ZNF423: variants seen among roughly 807,000 people sequenced by gnomAD.
ZNF423 encodes zinc finger protein 423.
A neutral mutation model predicts 95.8 loss-of-function variants in ZNF423; 12 were observed. The observed-to-expected ratio is 0.13, with a 90% CI of 0.08 to 0.20. The LOEUF (loss-of-function observed/expected upper bound fraction) is 0.20. Ranked by LOEUF, ZNF423 falls within the 10% of genes least tolerant of loss-of-function variation. The pLI is 1.00. For missense variants in ZNF423, 1,316 were observed against 1,737.1 expected, an observed-to-expected ratio of 0.76 and a Z score of 4.31; for synonymous variants, 749 against 711.9, an observed-to-expected ratio of 1.05 and a Z score of -0.83.
intron 7 of ZNF423, among the ~76,000 whole-genome samples, chr16:49,504,562 A>G (rs1967555886): frequency 1.3e-5 from 2 of 152,212 alleles, no homozygotes; most frequent in Admixed American, 1.3e-4. Flanking sequence ...AGCCTGGGTG[A>G]CAAAATGAGA....
chr16:49,654,415 C>T (rs1468847232), intron 3 of ZNF423, among the ~76,000 whole-genome samples: 1 of 152,232 alleles, frequency 6.6e-6, no homozygotes, highest in Non-Finnish European at 1.5e-5. Context: ...TCCAATACGT[C>T]CTGGGGGGCG....
At chr16:49,831,289 G>A (rs1489106417) in intron 1 of ZNF423, among the ~76,000 whole-genome samples, 1 of 152,032 alleles carries the variant, frequency 6.6e-6, no homozygotes, top group East Asian at 1.9e-4. Flanking sequence ...TTTTATCTTT[G>A]TAAATCTCTC....
intron 2 of ZNF423, among the ~76,000 whole-genome samples, chr16:49,787,299 A>G (rs973010708): frequency 3.9e-5 from 6 of 152,048 alleles, no homozygotes; most frequent in Admixed American, 2.6e-4. Context: ...AAAAAGAAAA[A>G]AAAAGAAAAA....
At chr16:49,851,518 T>C (rs1204233346) in intron 1 of ZNF423, among the ~76,000 whole-genome samples, 3 of 152,242 alleles carry the variant, frequency 2.0e-5, no homozygotes, top group Non-Finnish European at 4.4e-5. Context: ...CAGCCTTTCG[T>C]CTCCAGCTAG....
At chr16:49,595,793 T>C (rs922008250) in intron 5 of ZNF423, among the ~76,000 whole-genome samples, 4 of 152,240 alleles carry the variant, frequency 2.6e-5, no homozygotes, top group Non-Finnish European at 5.9e-5. Context: ...AGAGAATGTA[T>C]AAATATTTTA....
chr16:49,844,590 C>G (rs1479605866), intron 1 of ZNF423, among the ~76,000 whole-genome samples: 2 of 152,230 alleles, frequency 1.3e-5, no homozygotes, highest in African/African-American at 4.8e-5. Context: ...TCTCAGTTCA[C>G]CCACTCACTT....
At chr16:49,646,574 C>CTTTTTTTTTTTTTTTTTTTTT (rs71380366) in intron 3 of ZNF423, among the ~76,000 whole-genome samples, 37 of 117,978 alleles carry the variant, frequency 3.1e-4, no homozygotes, top group East Asian at 9.7e-4. Flanking sequence ...TTTTCTTTTT[C>CTTTTTTTTTTTTTTTTTTTTT]TTTTTTTTTT....
Position 49,717,312 on chromosome 16 carries a change from C to G in ZNF423, c.301+13459G>C, listed in dbSNP as rs191270360. Among the ~76,000 whole-genome samples, 773 of 152,308 alleles carry G rather than the reference C, an allele frequency of 5.1e-3. 11 individuals are homozygous for G. The highest frequency in any genetic ancestry group is 0.018 in the African/African-American group (742 of 41,568). ...CCTTCACCATCATAGGAACAGGCCC[C>G]CATGGAACTGGTAGGGCTGGCTGGA... On this transcript the variant is annotated intron_variant, in intron 3 of 7. Coordinates refer to ENST00000563137, the MANE Select transcript of ZNF423 (RefSeq NM_001379286.1).
chr16:49,651,533 G>A (rs1973403966), intron 3 of ZNF423, among the ~76,000 whole-genome samples: 1 of 152,118 alleles, frequency 6.6e-6, no homozygotes, highest in Non-Finnish European at 1.5e-5. Context: ...GCCGGCAGCA[G>A]GGCTTAGACT....
intron 7 of ZNF423, among the ~76,000 whole-genome samples, chr16:49,515,745 C>T (rs958738665): frequency 6.6e-6 from 1 of 152,198 alleles, no homozygotes; most frequent in Non-Finnish European, 1.5e-5. Flanking sequence ...GCATATGACC[C>T]TCATGCACGC....
At position 49,626,272 on chromosome 16, in the gene ZNF423, A is replaced by G. The variant is rs377719857; in HGVS notation, c.3517-18T>C. ...GTCTTTTTCTGTTTGGAAACCAAAA[A>G]TAAAAGATTTAGAGAGGCAGGAGGT... On this transcript the variant is annotated intron_variant, in intron 4 of 7. Transcript: ENST00000563137. 9.2e-4 allele frequency: 1,479 copies of G among 1,613,012 alleles called. 21 individuals are homozygous for G. In the South Asian group the frequency reaches 0.015, roughly 16 times the overall value.
chr16:49,738,380 C>T (rs1317985270), intron 2 of ZNF423, among the ~76,000 whole-genome samples: 1 of 152,188 alleles, frequency 6.6e-6, no homozygotes, highest in Non-Finnish European at 1.5e-5. Context: ...CCGGTCTTAG[C>T]TCCAGTACAC....
intron 3 of ZNF423, among the ~76,000 whole-genome samples, chr16:49,681,216 A>C (rs568269660): frequency 6.6e-6 from 1 of 152,348 alleles, no homozygotes; most frequent in East Asian, 1.9e-4. Flanking sequence ...GGATTTGGGG[A>C]AAACCAACTG....
intron 2 of ZNF423, among the ~76,000 whole-genome samples, chr16:49,783,967 T>C (rs533420033): frequency 1.0e-4 from 10 of 97,324 alleles, no homozygotes; most frequent in Non-Finnish European, 1.8e-4. Flanking sequence ...AGACTCCAAC[T>C]CAAAAAAAAA....
At chr16:49,616,584 A>G (rs1334391917) in intron 5 of ZNF423, among the ~76,000 whole-genome samples, 1 of 152,170 alleles carries the variant, frequency 6.6e-6, no homozygotes, top group Non-Finnish European at 1.5e-5. Context: ...GAAAGATCTC[A>G]TGTACTCCAT....
intron 5 of ZNF423, among the ~76,000 whole-genome samples, chr16:49,545,993 T>C (rs1969425350): frequency 6.6e-6 from 1 of 152,194 alleles, no homozygotes; most frequent in Admixed American, 6.5e-5. Flanking sequence ...TTATTCATAA[T>C]CGCCATTGGT....
intron 4 of ZNF423, among the ~76,000 whole-genome samples, chr16:49,627,437 C>T (rs1442293315): frequency 1.3e-5 from 2 of 150,552 alleles, no homozygotes; most frequent in African/African-American, 4.9e-5. Flanking sequence ...ATCTACCCAT[C>T]CATCCATCTA....
At chr16:49,789,268 GC>G in intron 2 of ZNF423, among the ~76,000 whole-genome samples, 1 of 152,336 alleles carries the variant, frequency 6.6e-6, no homozygotes, top group East Asian at 1.9e-4. Flanking sequence ...AGGAAATGTG[GC>G]CCTCGGGAGA....
Position 49,636,893 on chromosome 16 carries a change from C to T in ZNF423, c.2283G>A (p.Thr761=), listed in dbSNP as rs758301410. ...CCTTGCGGAAGTCCCAGTTGCAGGCCGTGCAGCGGTACATCTTCTTCTCAT... is the reference window on the plus strand; with the variant it reads ...CCTTGCGGAAGTCCCAGTTGCAGGCTGTGCAGCGGTACATCTTCTTCTCAT... ...HSNEKKMYRC[T]ACNWDFRKEA... The change falls in exon 4 of 8, where the codon ACG becomes ACA. Residue 761 remains threonine, a synonymous_variant. Coordinates refer to ENST00000563137, the MANE Select transcript of ZNF423 (RefSeq NM_001379286.1). The surrounding 1 kb of genome is among the most constrained non-coding windows in gnomAD (Gnocchi z 8.6). 64 of 1,613,872 alleles carry T rather than the reference C, an allele frequency of 4.0e-5. No individual in the cohort carries two copies. The highest frequency in any genetic ancestry group is 1.6e-4 in the Middle Eastern group (1 of 6,084).
Sources: gnomAD v4.1 joint callset for allele counts (sites outside exome capture counted in the v4.1 genomes callset) on GRCh38, gnomAD v4.1.1 for gene constraint, Gnocchi (gnomAD v3.1) non-coding constraint, MANE v1.5 for transcripts, NCBI Gene and HGNC (gene_info 2026-07-23, HGNC 2026-07-21) for gene names.